Variants in NAP1L4 observed in about 807,000 individuals in gnomAD.
The protein encoded by NAP1L4 is nucleosome assembly protein 1 like 4.
NAP1L4 carries 15 observed loss-of-function variants against 58.2 expected under a neutral mutation model. That is an observed-to-expected ratio of 0.26 (90% CI 0.17 to 0.40). NAP1L4 has a LOEUF of 0.40. Ranked by LOEUF, NAP1L4 falls within the 10% of genes least tolerant of loss-of-function variation. NAP1L4 has a pLI of 1.00. For synonymous variants in NAP1L4, 171 were observed against 155.6 expected (o/e 1.10, Z -0.74); for missense variants, 384 against 451.1 (o/e 0.85, Z 1.35).
intron 1 of NAP1L4, among the ~76,000 whole-genome samples, chr11:2,986,668 C>T (rs952218197): frequency 6.7e-6 from 1 of 148,388 alleles, no homozygotes; most frequent in Non-Finnish European, 1.5e-5. Flanking sequence ...CACTTGTTGC[C>T]CAGGCTGGCG....
In NAP1L4 at chr11:2,949,083, A is replaced by G. The variant is rs1008447257; in HGVS notation, c.*32+144T>C. ...TTTGGTTCGTTGATTTTAAAAGTACATGTAACAGACACCTATGTCAAACCT... is the reference window on the plus strand; with the variant it reads ...TTTGGTTCGTTGATTTTAAAAGTACGTGTAACAGACACCTATGTCAAACCT... On this transcript the variant is annotated intron_variant, in intron 15 of 15. Transcript: ENST00000380542. The surrounding 1 kb of genome is among the most constrained non-coding windows in gnomAD (Gnocchi z 4.0). 12 of 623,220 alleles carry G rather than the reference A, an allele frequency of 1.9e-5. No individual in the cohort carries two copies. The highest frequency in any genetic ancestry group is 1.7e-4 in the African/African-American group (9 of 54,216). The allele number at this position is 623,220 out of a possible 1,614,324, so 38.6% of individuals were successfully genotyped here.
At chr11:2,963,442 G>A (rs938528745) in intron 8 of NAP1L4, among the ~76,000 whole-genome samples, 2 of 152,178 alleles carry the variant, frequency 1.3e-5, no homozygotes, top group Non-Finnish European at 2.9e-5. Context: ...CCCCTCTGGA[G>A]GGCAGCCCCC....
At chr11:2,956,719 G>A (rs1846566632) in intron 10 of NAP1L4, among the ~76,000 whole-genome samples, 1 of 152,180 alleles carries the variant, frequency 6.6e-6, no homozygotes, top group South Asian at 2.1e-4. Flanking sequence ...GCTCCCCAGG[G>A]CACTCTGGCC....
chr11:2,949,981 G>A lies in NAP1L4; in HGVS notation c.1123-717C>T, dbSNP rs1359579791. 1.3e-5 allele frequency among the ~76,000 whole-genome samples: 2 copies of A among 152,258 alleles called. No individual in the cohort carries two copies. Among genetic ancestry groups the A allele is most frequent in the African/African-American group, 4.8e-5 (2 of 41,482 alleles). On this transcript the variant is annotated intron_variant, in intron 14 of 15. Transcript: ENST00000380542. This position sits in a 1 kb window ranked among gnomAD's most constrained non-coding sequence, Gnocchi z 4.0. Reference sequence around the variant, plus strand: ...AAAAGTGTCCATTCAGCGCCCACAAGGCGGAAACACAGCCCAATAAACACA... The same window carrying A: ...AAAAGTGTCCATTCAGCGCCCACAAAGCGGAAACACAGCCCAATAAACACA...
chr11:2,971,597 A>C lies in NAP1L4; in HGVS notation c.316-63T>G. On this transcript the variant is annotated intron_variant, in intron 5 of 15. Coordinates refer to ENST00000380542, the MANE Select transcript of NAP1L4 (RefSeq NM_005969.4). The surrounding 1 kb of genome is among the most constrained non-coding windows in gnomAD (Gnocchi z 4.2). Reference sequence around the variant, plus strand: ...AGCTTACTTAGGAACTCAAGAGTTAAATTTATAAATAATGTCTACTAAAAG... The same window carrying C: ...AGCTTACTTAGGAACTCAAGAGTTACATTTATAAATAATGTCTACTAAAAG... The C allele has an allele frequency of 7.7e-7, 1 of 1,294,118 alleles. No homozygotes were observed. Among genetic ancestry groups the C allele is most frequent in the Non-Finnish European group, 1.1e-6 (1 of 916,460 alleles). The allele number at this position is 1,294,118 out of a possible 1,614,324, so 80.2% of individuals were successfully genotyped here. A position where few individuals can be genotyped will look rare whatever the true frequency, so the allele number is the denominator to read the frequency against.
Position 2,951,858 on chromosome 11 carries a change from G to A in NAP1L4, c.1036-49C>T. On this transcript the variant is annotated intron_variant, in intron 12 of 15. Coordinates refer to ENST00000380542, the MANE Select transcript of NAP1L4 (RefSeq NM_005969.4). The surrounding 1 kb of genome is among the most constrained non-coding windows in gnomAD (Gnocchi z 4.0). ...TTTAGGTTTACAAAACATGACAGCAGCCTGCCCAAGACACCAGTCCCATCA... is the reference window on the plus strand; with the variant it reads ...TTTAGGTTTACAAAACATGACAGCAACCTGCCCAAGACACCAGTCCCATCA... 6.3e-7 allele frequency: 1 copy of A among 1,577,894 alleles called. No homozygotes were observed. Among genetic ancestry groups the A allele is most frequent in the Non-Finnish European group, 8.7e-7 (1 of 1,148,372 alleles).
Position 2,976,029 on chromosome 11 carries a change from G to T in NAP1L4, c.168C>A (p.Ile56=). The change falls in exon 4 of 16, where the codon ATC becomes ATA. Residue 56 remains isoleucine, a synonymous_variant. Coordinates refer to ENST00000380542, the MANE Select transcript of NAP1L4 (RefSeq NM_005969.4). ...CCTATTCACAGCACACTTACGTTTC[G>T]ATGTAGCTGGAAGGGGTGTGAGGGA... ...DNVPHTPSSY[I]ETLPKAVKRR... 3 of 1,611,570 alleles carry T rather than the reference G, an allele frequency of 1.9e-6. No individual in the cohort carries two copies. Among genetic ancestry groups the T allele is most frequent in the Non-Finnish European group, 2.5e-6 (3 of 1,179,208 alleles).
chr11:2,944,769 C>T lies in NAP1L4; in HGVS notation c.*910G>A, dbSNP rs1244476936. 6.6e-6 allele frequency: 1 copy of T among 152,202 alleles called. No individual in the cohort carries two copies. The highest frequency in any genetic ancestry group is 2.4e-5 in the African/African-American group (1 of 41,450). 9.4% of individuals were successfully genotyped at this position (152,202 alleles called of 1,614,324 possible). On this transcript the variant is annotated 3_prime_UTR_variant, in exon 16 of 16. Coordinates refer to ENST00000380542, the MANE Select transcript of NAP1L4 (RefSeq NM_005969.4). ...CCAGTCCCTCAGTGGAGAAGACTGC[C>T]GAAGCCCGGCTCCGGCAGCAGGGTG...
At chr11:2,958,728 C>T (rs1015741493) in intron 9 of NAP1L4, 184 bp from the exon 10 acceptor site, 6 of 601,922 alleles carry the variant, frequency 1.0e-5, no homozygotes, top group African/African-American at 5.6e-5. Flanking sequence ...ACAGCCTGGT[C>T]CTCTTTCAAC....
At position 2,972,126 on chromosome 11, in the gene NAP1L4, C is replaced by A. The variant is rs202073858; in HGVS notation, c.291G>T (p.Ala97=). 6.3e-7 allele frequency: 1 copy of A among 1,594,990 alleles called. No homozygotes were observed. The change falls in exon 5 of 16, where the codon GCG becomes GCT. Residue 97 remains alanine (A), a synonymous_variant. Coordinates refer to ENST00000380542, the MANE Select transcript of NAP1L4 (RefSeq NM_005969.4). ...EVHDLERKYA[A]LYQPLFDKRR... ...CCTTGTCAAAGAGAGGCTGGTATAG[C>A]GCTGCATACTTTCTTTCCAAGTCAT... is the stretch of plus-strand genomic sequence containing the variant.
intron 7 of NAP1L4, among the ~76,000 whole-genome samples, chr11:2,966,620 G>C (rs1358149723): frequency 1.3e-5 from 2 of 152,138 alleles, no homozygotes; most frequent in African/African-American, 2.4e-5. Flanking sequence ...AAAGATACCT[G>C]CAAGTATCTA....
At chr11:2,976,158 T>C (rs1378151316) in intron 3 of NAP1L4, 35 bp from the exon 4 acceptor site, 2 of 1,539,354 alleles carry the variant, frequency 1.3e-6, no homozygotes, top group Non-Finnish European at 8.9e-7. Flanking sequence ...ATTTAAAATA[T>C]GCCCACCACA....
chr11:2,963,807 C>A (rs765378908), intron 8 of NAP1L4: 3 of 519,284 alleles, frequency 5.8e-6, no homozygotes, highest in Non-Finnish European at 3.8e-6. Flanking sequence ...AGCCACCAGT[C>A]AGTCAGTCAT....
chr11:2,956,583 A>G (rs1190987769), intron 10 of NAP1L4, among the ~76,000 whole-genome samples: 2 of 152,184 alleles, frequency 1.3e-5, no homozygotes, highest in East Asian at 3.8e-4. Context: ...TGAGACATGA[A>G]TGTTGGGTGC....
chr11:2,962,856 C>T (rs1847013667), intron 8 of NAP1L4, among the ~76,000 whole-genome samples: 1 of 151,806 alleles, frequency 6.6e-6, no homozygotes, highest in Admixed American at 6.6e-5. Flanking sequence ...AATCCCAGCA[C>T]TTTGGAAGGC....
At chr11:2,987,174 G>A (rs12806061) in intron 1 of NAP1L4, among the ~76,000 whole-genome samples, 41,406 of 151,926 alleles carry the variant, frequency 0.27, 7,466 homozygotes, top group East Asian at 0.68. Context: ...ACGAAGCCCT[G>A]AGACAGTCCA....
intron 6 of NAP1L4, 38 bp from the exon 7 acceptor site, chr11:2,969,972 G>A (rs2133966835): frequency 6.3e-7 from 1 of 1,589,282 alleles, no homozygotes; most frequent in Non-Finnish European, 8.6e-7. Flanking sequence ...GAAAATAAAA[G>A]TTTACAAACA....
chr11:2,982,129 A>C (rs1439647737), intron 1 of NAP1L4, among the ~76,000 whole-genome samples: 4 of 152,172 alleles, frequency 2.6e-5, no homozygotes, highest in Non-Finnish European at 4.4e-5. Context: ...TAATGTCTCT[A>C]TGAACATCTT....
At position 2,972,136 on chromosome 11, in the gene NAP1L4, T is replaced by A; in HGVS notation, c.281A>T (p.Lys94Met). The change falls in exon 5 of 16, where the codon AAG becomes ATG. Residue 94 changes from lysine to methionine, a missense_variant. Transcript: ENST00000380542. ...FYEEVHDLER[K>M]YAALYQPLFD... ...GAGAGGCTGGTATAGCGCTGCATAC[T>A]TTCTTTCCAAGTCATGTACCTCTTC... 6.2e-7 allele frequency: 1 copy of A among 1,601,272 alleles called. No individual in the cohort carries two copies. The highest frequency in any genetic ancestry group is 8.5e-7 in the Non-Finnish European group (1 of 1,176,556).
Sources: gnomAD v4.1 joint callset for allele counts (sites outside exome capture counted in the v4.1 genomes callset) on GRCh38, gnomAD v4.1.1 for gene constraint, Gnocchi (gnomAD v3.1) non-coding constraint, MANE v1.5 for transcripts, NCBI Gene and HGNC (gene_info 2026-07-23, HGNC 2026-07-21) for gene names.